PLCB1: variants seen among roughly 807,000 people sequenced by gnomAD.
PLCB1 encodes the protein 1-phosphatidylinositol 4,5-bisphosphate phosphodiesterase beta-1.
A neutral mutation model predicts 161.8 loss-of-function variants in PLCB1; 46 were observed. That is an observed-to-expected ratio of 0.28 (90% confidence interval 0.22 to 0.36). The LOEUF is 0.36. Among genes scored for constraint, PLCB1 ranks in the 10% least tolerant of loss-of-function variants. PLCB1 has a pLI of 1.00. For missense variants in PLCB1, 1,016 were observed against 1,472.5 expected, an observed-to-expected ratio of 0.69 and a Z score of 5.07; for synonymous variants, 517 against 503.7, an observed-to-expected ratio of 1.03 and a Z score of -0.35.
At chr20:8,175,387 C>T (rs1250970292) in intron 2 of PLCB1, among the ~76,000 whole-genome samples, 1 of 151,824 alleles carries the variant, frequency 6.6e-6, no homozygotes, top group Non-Finnish European at 1.5e-5. Context: ...AAAATTAGTT[C>T]AACAAGGCAA....
chr20:8,337,657 G>A (rs1985634355), intron 2 of PLCB1, among the ~76,000 whole-genome samples: 1 of 152,104 alleles, frequency 6.6e-6, no homozygotes, highest in African/African-American at 2.4e-5. Flanking sequence ...TGATAATTTG[G>A]TGACCCTTGC....
chr20:8,542,426 G>A (rs1050707761), intron 3 of PLCB1, among the ~76,000 whole-genome samples: 6 of 152,182 alleles, frequency 3.9e-5, no homozygotes, highest in Admixed American at 6.5e-5. Context: ...TAGCTGCCCA[G>A]TCTTGTCAAG....
chr20:8,409,693 C>T (rs1282622263), intron 3 of PLCB1, among the ~76,000 whole-genome samples: 1 of 151,978 alleles, frequency 6.6e-6, no homozygotes, highest in Non-Finnish European at 1.5e-5. Flanking sequence ...AAACTCCTGA[C>T]CTCAGGTGAT....
chr20:8,595,049 T>TA (rs923702464), intron 3 of PLCB1, among the ~76,000 whole-genome samples: 2 of 152,220 alleles, frequency 1.3e-5, no homozygotes, highest in African/African-American at 4.8e-5. Context: ...TTAGGTGTAA[T>TA]ACAAAGACAT....
intron 2 of PLCB1, among the ~76,000 whole-genome samples, chr20:8,336,288 G>A (rs2719773): frequency 0.12 from 17,561 of 152,200 alleles, 1,793 homozygotes; most frequent in African/African-American, 0.28. Context: ...ATACGTACAT[G>A]TTTTTAATTA....
At chr20:8,637,861 T>C (rs926854348) in intron 4 of PLCB1, among the ~76,000 whole-genome samples, 1 of 152,228 alleles carries the variant, frequency 6.6e-6, no homozygotes, top group South Asian at 2.1e-4. Context: ...TAATTATGAA[T>C]GCGGAACAAG....
intron 3 of PLCB1, among the ~76,000 whole-genome samples, chr20:8,470,136 A>C (rs559631207): frequency 6.6e-6 from 1 of 152,286 alleles, no homozygotes; most frequent in Non-Finnish European, 1.5e-5. Context: ...AATAATATTC[A>C]ATTGAATGAA....
chr20:8,736,796 A>C (rs949290846), intron 19 of PLCB1, among the ~76,000 whole-genome samples: 1 of 152,148 alleles, frequency 6.6e-6, no homozygotes, highest in African/African-American at 2.4e-5. Context: ...CCCTCCCCAA[A>C]TATGTGAGGA....
chr20:8,746,575 G>C (rs1319738180), intron 23 of PLCB1, among the ~76,000 whole-genome samples: 1 of 152,056 alleles, frequency 6.6e-6, no homozygotes, highest in Non-Finnish European at 1.5e-5. Context: ...TCAACTCCCA[G>C]CTCAAGCAAT....
At chr20:8,703,773 T>A (rs1477090854) in intron 11 of PLCB1, among the ~76,000 whole-genome samples, 1 of 151,932 alleles carries the variant, frequency 6.6e-6, no homozygotes. Context: ...GAAGAGAGAA[T>A]GAAACCCAGG....
At chr20:8,644,269 T>C (rs1304766949) in intron 4 of PLCB1, among the ~76,000 whole-genome samples, 4 of 148,010 alleles carry the variant, frequency 2.7e-5, no homozygotes, top group Non-Finnish European at 4.5e-5. Context: ...GTCTGGGACA[T>C]GAGGAGCCCC....
intron 3 of PLCB1, among the ~76,000 whole-genome samples, chr20:8,455,350 G>T (rs1305026965): frequency 5.4e-5 from 8 of 148,960 alleles, no homozygotes; most frequent in Admixed American, 5.3e-4. Flanking sequence ...AAAAATACTG[G>T]TCAATTGGAA....
intron 3 of PLCB1, among the ~76,000 whole-genome samples, chr20:8,578,040 C>G (rs1207008139): frequency 6.6e-6 from 1 of 152,198 alleles, no homozygotes; most frequent in Non-Finnish European, 1.5e-5. Context: ...TCTAATAAAA[C>G]TTACTAGCAA....
intron 3 of PLCB1, among the ~76,000 whole-genome samples, chr20:8,468,492 A>G (rs1981913646): frequency 6.6e-6 from 1 of 152,138 alleles, no homozygotes; most frequent in South Asian, 2.1e-4. Context: ...TTTCTGTGAT[A>G]ACTGTACATT....
intron 4 of PLCB1, among the ~76,000 whole-genome samples, chr20:8,643,163 A>C (rs547245252): frequency 1.3e-5 from 2 of 152,166 alleles, no homozygotes; most frequent in African/African-American, 4.8e-5. Flanking sequence ...CACCTGGACT[A>C]CTGGACTATT....
intron 3 of PLCB1, among the ~76,000 whole-genome samples, chr20:8,477,858 C>G (rs1039471619): frequency 6.6e-6 from 1 of 152,196 alleles, no homozygotes; most frequent in Admixed American, 6.5e-5. Context: ...ATCTCCAATA[C>G]TGGGAATAAC....
intron 12 of PLCB1, among the ~76,000 whole-genome samples, chr20:8,711,586 A>C (rs1202144098): frequency 6.6e-6 from 1 of 152,228 alleles, no homozygotes; most frequent in Non-Finnish European, 1.5e-5. Flanking sequence ...TGAAATACTA[A>C]AAGATAAAAT....
intron 31 of PLCB1, among the ~76,000 whole-genome samples, chr20:8,814,966 G>A (rs1267861681): frequency 6.6e-6 from 1 of 152,118 alleles, no homozygotes; most frequent in East Asian, 1.9e-4. Flanking sequence ...TCCCCAATGA[G>A]CAGACTTGAT....
At chr20:8,633,488 A>T (rs1261278715) in intron 4 of PLCB1, among the ~76,000 whole-genome samples, 1 of 152,090 alleles carries the variant, frequency 6.6e-6, no homozygotes, top group Non-Finnish European at 1.5e-5. Flanking sequence ...AAAAGTCATC[A>T]TACTTTTTAA....
Sources: allele counts gnomAD v4.1 joint callset (sites outside exome capture counted in the v4.1 genomes callset), GRCh38; gene constraint gnomAD v4.1.1; transcripts MANE v1.5; gene names NCBI Gene and HGNC (gene_info 2026-07-23, HGNC 2026-07-21).